Variants in SNTB1 observed in about 807,000 individuals in gnomAD.
The protein encoded by SNTB1 is beta-1-syntrophin.
A neutral mutation model predicts 48.9 loss-of-function variants in SNTB1; 36 were observed. The observed-to-expected ratio is 0.74, with a 90% CI of 0.56 to 0.97. The LOEUF (loss-of-function observed/expected upper bound fraction) is 0.97. Ranked by LOEUF, SNTB1 falls within the 50% of genes least tolerant of loss-of-function variation. SNTB1 has a pLI of 0.00. For synonymous variants in SNTB1, 299 were observed against 294.6 expected, an observed-to-expected ratio of 1.01 and a Z score of -0.15; for missense variants, 786 against 703.4, an observed-to-expected ratio of 1.12 and a Z score of -1.33.
At chr8:120,677,998 A>G (rs1227186084) in intron 2 of SNTB1, among the ~76,000 whole-genome samples, 1 of 152,162 alleles carries the variant, frequency 6.6e-6, no homozygotes. Context: ...ATGTTTAATA[A>G]TACAGGCAGT....
intron 2 of SNTB1, among the ~76,000 whole-genome samples, chr8:120,650,311 A>G (rs1047271590): frequency 3.9e-5 from 6 of 152,172 alleles, no homozygotes; most frequent in Non-Finnish European, 2.9e-5. Flanking sequence ...CTCACTGACA[A>G]CACGTGAGAG....
At chr8:120,719,784 C>T (rs1467854688) in intron 1 of SNTB1, among the ~76,000 whole-genome samples, 3 of 151,576 alleles carry the variant, frequency 2.0e-5, no homozygotes, top group Non-Finnish European at 4.4e-5. Context: ...ACATGGTGTG[C>T]TGGTGTCTGC....
chr8:120,556,904 C>T (rs1181256470), intron 4 of SNTB1, among the ~76,000 whole-genome samples: 1 of 152,204 alleles, frequency 6.6e-6, no homozygotes, highest in Non-Finnish European at 1.5e-5. Context: ...ACTCTGATGG[C>T]TCACAGGCAT....
chr8:120,592,381 C>A (rs1816255486), intron 3 of SNTB1, among the ~76,000 whole-genome samples: 1 of 151,656 alleles, frequency 6.6e-6, no homozygotes, highest in African/African-American at 2.4e-5. Context: ...TAGAGTGAAG[C>A]TGTTGCTACA....
chr8:120,741,877 G>A (rs1819046819), intron 1 of SNTB1, among the ~76,000 whole-genome samples: 1 of 152,216 alleles, frequency 6.6e-6, no homozygotes, highest in Admixed American at 6.5e-5. Flanking sequence ...AGAAAGTGGG[G>A]AGAAGGAGGA....
At chr8:120,594,090 G>T (rs1221560314) in intron 3 of SNTB1, among the ~76,000 whole-genome samples, 1 of 151,816 alleles carries the variant, frequency 6.6e-6, no homozygotes, top group Non-Finnish European at 1.5e-5. Flanking sequence ...TTGAGACAGG[G>T]TCTTGCTCTG....
At chr8:120,603,316 T>A (rs1349969492) in intron 3 of SNTB1, among the ~76,000 whole-genome samples, 5 of 152,142 alleles carry the variant, frequency 3.3e-5, no homozygotes, top group African/African-American at 1.2e-4. Context: ...GTCAGGCTGG[T>A]CTCGAACTCC....
At chr8:120,576,355 T>C (rs1176335178) in intron 3 of SNTB1, among the ~76,000 whole-genome samples, 1 of 152,248 alleles carries the variant, frequency 6.6e-6, no homozygotes, top group Non-Finnish European at 1.5e-5. Context: ...AAAGCTAATT[T>C]CTTCCCTTTC....
rs1163396448 is a variant in SNTB1 at position 120,647,861 on chromosome 8, G to T, written c.789-15210C>A. 6.7e-3 allele frequency among the ~76,000 whole-genome samples: 65 copies of T among 9,732 alleles called. 2 individuals are homozygous for T. The highest frequency in any genetic ancestry group is 0.027 in the African/African-American group (58 of 2,122). 6.4% of individuals were successfully genotyped at this position (9,732 alleles called of 152,430 possible). A position where few individuals can be genotyped will look rare whatever the true frequency, so the allele number is the denominator to read the frequency against. The stretch of plus-strand genomic sequence containing the variant: ...GAATCTTGGTGCTCCTGTATTGGGT[G>T]CATATATATTTAGGATAGTTAGCTC... On this transcript the variant is annotated intron_variant, in intron 2 of 6. Transcript: ENST00000517992.
At chr8:120,584,040 G>A (rs975911554) in intron 3 of SNTB1, among the ~76,000 whole-genome samples, 6 of 152,290 alleles carry the variant, frequency 3.9e-5, no homozygotes, top group Non-Finnish European at 5.9e-5. Flanking sequence ...CAGGTCTGGC[G>A]TGGTGGCTCA....
chr8:120,583,445 G>A (rs1401737112), intron 3 of SNTB1, among the ~76,000 whole-genome samples: 1 of 151,786 alleles, frequency 6.6e-6, no homozygotes, highest in African/African-American at 2.4e-5. Context: ...CCAGGGGGTG[G>A]AGGTTGCAGT....
chr8:120,654,520 C>T lies in SNTB1; in HGVS notation c.789-21869G>A, dbSNP rs551397484. Among the ~76,000 whole-genome samples, 4 of 152,220 alleles carry T rather than the reference C, an allele frequency of 2.6e-5. No individual in the cohort carries two copies. In the South Asian group the frequency reaches 8.3e-4, roughly 32 times the overall value. ...CAGCTGTGTTTATTCTCACCCTCCA[C>T]CACAGTTATGTAAATACTGCCTATG... On this transcript the variant is annotated intron_variant, in intron 2 of 6. Coordinates refer to ENST00000517992, the MANE Select transcript of SNTB1 (RefSeq NM_021021.4).
In SNTB1 at chr8:120,537,469, T is replaced by A. The variant is rs910766864; in HGVS notation, c.*1408A>T. The A allele has an allele frequency of 3.3e-5, 5 of 152,204 alleles. No homozygotes were observed. Among genetic ancestry groups the A allele is most frequent in the African/African-American group, 4.8e-5 (2 of 41,458 alleles). The allele number at this position is 152,204 out of a possible 1,614,324, so 9.4% of individuals were successfully genotyped here. A position where few individuals can be genotyped will look rare whatever the true frequency, so the allele number is the denominator to read the frequency against. The stretch of plus-strand genomic sequence containing the variant: ...CTTTGCAATTCAATAAACAAATATG[T>A]CTGAGTGAGAAAAATTGTGTTCCTT... On this transcript the variant is annotated 3_prime_UTR_variant, in exon 7 of 7. Transcript: ENST00000517992.
At chr8:120,792,533 T>C (rs1820054061) in intron 1 of SNTB1, among the ~76,000 whole-genome samples, 2 of 152,002 alleles carry the variant, frequency 1.3e-5, no homozygotes, top group African/African-American at 4.8e-5. Flanking sequence ...AAATAATTCA[T>C]GTTAATTCAT....
At chr8:120,784,271 G>A (rs1231260154) in intron 1 of SNTB1, among the ~76,000 whole-genome samples, 2 of 151,914 alleles carry the variant, frequency 1.3e-5, no homozygotes, top group Admixed American at 1.3e-4. Context: ...TGGGATTATA[G>A]GTGTGAGGTA....
chr8:120,702,467 C>A (rs552676389), intron 1 of SNTB1, among the ~76,000 whole-genome samples: 1 of 152,180 alleles, frequency 6.6e-6, no homozygotes, highest in Non-Finnish European at 1.5e-5. Context: ...GTTTCCTCCA[C>A]GTGGAAACCT....
At chr8:120,656,342 T>C (rs1439679417) in intron 2 of SNTB1, among the ~76,000 whole-genome samples, 1 of 152,220 alleles carries the variant, frequency 6.6e-6, no homozygotes, top group Non-Finnish European at 1.5e-5. Flanking sequence ...TCTCTTGTGT[T>C]GGCTAGATTT....
At chr8:120,571,117 TC>T in intron 4 of SNTB1, 1 of 849,842 alleles carries the variant, frequency 1.2e-6, no homozygotes, top group African/African-American at 1.8e-5. Flanking sequence ...GAAAAAGCAG[TC>T]CCCATTGTTC....
Position 120,642,742 on chromosome 8 carries a change from A to G in SNTB1, c.789-10091T>C, listed in dbSNP as rs531300438. On this transcript the variant is annotated intron_variant, in intron 2 of 6. Coordinates refer to ENST00000517992, the MANE Select transcript of SNTB1 (RefSeq NM_021021.4). Reference sequence around the variant, plus strand: ...AGCCTGGGCAAGTAGGGAGGCCCCAACTCTACAAAAAATTTAAAAATTAGT... The same window carrying G: ...AGCCTGGGCAAGTAGGGAGGCCCCAGCTCTACAAAAAATTTAAAAATTAGT... 6.6e-5 allele frequency among the ~76,000 whole-genome samples: 10 copies of G among 152,062 alleles called. No homozygotes were observed. In the Middle Eastern group the frequency reaches 0.017, roughly 259 times the overall value.
Sources: allele counts gnomAD v4.1 joint callset (sites outside exome capture counted in the v4.1 genomes callset), GRCh38; gene constraint gnomAD v4.1.1; transcripts MANE v1.5; gene names NCBI Gene and HGNC (gene_info 2026-07-23, HGNC 2026-07-21).